The following IRAK1BP1 variants were observed in gnomAD, a reference collection of about 807,000 sequenced individuals.
IRAK1BP1 encodes the protein interleukin 1 receptor associated kinase 1 binding protein 1.
Under a neutral mutation model 28.0 loss-of-function variants are expected in IRAK1BP1, and 24 were observed. The ratio of observed to expected loss-of-function variants is 0.86; its 90% CI spans 0.62 to 1.20. IRAK1BP1 has a LOEUF of 1.20. Ranked by LOEUF, IRAK1BP1 falls within the 50% of genes most tolerant of loss-of-function variation. The probability of loss-of-function intolerance (pLI) is 0.00; values close to 1 mark genes in which losing one functional copy is unlikely to be tolerated. For missense variants in IRAK1BP1, 336 were observed against 316.7 expected (o/e 1.06, Z -0.46); for synonymous variants, 131 against 116.3 (o/e 1.13, Z -0.81).
the IRAK1BP1 span, among the ~76,000 whole-genome samples, chr6:78,959,214 G>A: frequency 6.6e-6 from 1 of 151,938 alleles, no homozygotes; most frequent in African/African-American, 2.4e-5. Context: ...AAAAATCCAA[G>A]GACAACTTTT....
chr6:78,887,947 G>A (rs1294649534), intron 2 of IRAK1BP1, among the ~76,000 whole-genome samples: 1 of 151,910 alleles, frequency 6.6e-6, no homozygotes, highest in Non-Finnish European at 1.5e-5. Context: ...AGATATGGAA[G>A]CAACCCAAAT....
the IRAK1BP1 span, chr6:78,961,635 G>C: frequency 5.6e-3 from 8,819 of 1,574,212 alleles, 525 homozygotes; most frequent in Admixed American, 0.11. Flanking sequence ...ATCAGTAAAT[G>C]GGTGGAAAGA....
At chr6:78,927,774 C>A (rs888266368) in intron 4 of IRAK1BP1, among the ~76,000 whole-genome samples, 1 of 152,072 alleles carries the variant, frequency 6.6e-6, no homozygotes, top group Non-Finnish European at 1.5e-5. Flanking sequence ...TTCCAGGCAC[C>A]ATTTACTGAA....
In IRAK1BP1 at chr6:78,900,220, A is replaced by G. The variant is rs1772045901; in HGVS notation, c.*1886A>G. 1 of 152,268 alleles carries G rather than the reference A, an allele frequency of 6.6e-6. No homozygotes were observed. Among genetic ancestry groups the G allele is most frequent in the Non-Finnish European group, 1.5e-5 (1 of 68,054 alleles). The allele number at this position is 152,268 out of a possible 1,614,324, so 9.4% of individuals were successfully genotyped here. ...TAATAATGATTCTTAAGGCCATTTG[A>G]AAGTTAACAGCAAGTATGTATTACT... On this transcript the variant is annotated 3_prime_UTR_variant, in exon 4 of 4. Transcript: ENST00000369940.
chr6:78,911,768 G>A (rs796851417), intron 4 of IRAK1BP1, among the ~76,000 whole-genome samples: 8 of 152,266 alleles, frequency 5.3e-5, no homozygotes, highest in African/African-American at 1.9e-4. Flanking sequence ...TATGAATACT[G>A]TACTACCATG....
chr6:78,973,149 G>A, the IRAK1BP1 span, among the ~76,000 whole-genome samples: 1 of 152,150 alleles, frequency 6.6e-6, no homozygotes, highest in African/African-American at 2.4e-5. Context: ...TACGCTCAAA[G>A]GGAAGCCCAT....
rs1285773570 is a variant in IRAK1BP1, at chr6:78,901,199, TTAG to T, written c.*2869_*2871del. On this transcript the variant is annotated 3_prime_UTR_variant, in exon 4 of 4. Transcript: ENST00000369940. ...ACCTAAAGACAATTTTTTTTTTAAG[TTAG>T]TAGGCACTTTTTAGAATTTCCAGGA... 6.6e-6 allele frequency: 1 copy of T among 151,848 alleles called. No homozygotes were observed. Among genetic ancestry groups the T allele is most frequent in the African/African-American group, 2.4e-5 (1 of 41,382 alleles). 9.4% of individuals were successfully genotyped at this position (151,848 alleles called of 1,614,324 possible).
chr6:78,885,573 C>T (rs976019391), intron 2 of IRAK1BP1, 130 bp downstream of exon 2: 1 of 502,338 alleles, frequency 2.0e-6, no homozygotes, highest in Admixed American at 3.6e-5. Flanking sequence ...TCAAAATCAT[C>T]TTGGTGTTAT....
intron 1 of IRAK1BP1, chr6:78,871,266 C>T: frequency 1.0e-6 from 1 of 985,284 alleles, no homozygotes; most frequent in Non-Finnish European, 1.2e-6. Flanking sequence ...GGTCCTCCCT[C>T]ACAAAAGTGT....
At chr6:78,869,354 T>C (rs1177806614) in intron 1 of IRAK1BP1, among the ~76,000 whole-genome samples, 2 of 152,100 alleles carry the variant, frequency 1.3e-5, no homozygotes, top group Admixed American at 6.5e-5. Context: ...ACCCAATCTC[T>C]AGTAAAAATA....
In IRAK1BP1 at chr6:78,901,818, G is replaced by C. The variant is rs1247770087; in HGVS notation, c.*3484G>C. On this transcript the variant is annotated 3_prime_UTR_variant, in exon 4 of 4. Transcript: ENST00000369940. The stretch of plus-strand genomic sequence containing the variant: ...ATTTGAGTTCAGTGTAAACAAATAG[G>C]ACTTAGAAAAATAATTTGTAACTCA... The C allele has an allele frequency of 1.3e-5, 2 of 151,938 alleles. No individual in the cohort carries two copies. Among genetic ancestry groups the C allele is most frequent in the Non-Finnish European group, 2.9e-5 (2 of 67,970 alleles). The allele number at this position is 151,938 out of a possible 1,614,324, so 9.4% of individuals were successfully genotyped here.
intron 4 of IRAK1BP1, among the ~76,000 whole-genome samples, chr6:78,927,420 G>C (rs1772919986): frequency 6.6e-6 from 1 of 151,820 alleles, no homozygotes; most frequent in Non-Finnish European, 1.5e-5. Context: ...AAAGGTGTTT[G>C]AGCTCCTGGT....
intron 2 of IRAK1BP1, among the ~76,000 whole-genome samples, chr6:78,887,006 A>G (rs1367250918): frequency 6.6e-6 from 1 of 152,224 alleles, no homozygotes; most frequent in Non-Finnish European, 1.5e-5. Context: ...GTGGAAACCA[A>G]AGTATTGGGA....
At chr6:78,955,617 G>A in the IRAK1BP1 span, 1 of 970,330 alleles carries the variant, frequency 1.0e-6, no homozygotes, top group Non-Finnish European at 1.6e-6. Flanking sequence ...ACATACCTCA[G>A]AATCAGACAA....
At chr6:78,943,636 T>C (rs1469997252) in intron 4 of IRAK1BP1, among the ~76,000 whole-genome samples, 1 of 152,134 alleles carries the variant, frequency 6.6e-6, no homozygotes, top group African/African-American at 2.4e-5. Context: ...ATGAATAATA[T>C]GATCAACATT....
the IRAK1BP1 span, chr6:78,958,452 T>C: frequency 7.6e-7 from 1 of 1,321,018 alleles, no homozygotes; most frequent in Non-Finnish European, 1.1e-6. Flanking sequence ...ACTATCATAA[T>C]TACATATGAA....
intron 4 of IRAK1BP1, among the ~76,000 whole-genome samples, chr6:78,918,879 A>T (rs1008281059): frequency 2.0e-5 from 3 of 152,238 alleles, no homozygotes; most frequent in African/African-American, 7.2e-5. Flanking sequence ...AGAATACTCC[A>T]GTCATCAACC....
chr6:78,872,195 A>G, intron 1 of IRAK1BP1: 1 of 682,576 alleles, frequency 1.5e-6, no homozygotes, highest in Non-Finnish European at 2.7e-6. Context: ...AGCTGACCAC[A>G]GCGGTAATTT....
At chr6:78,946,028 T>G (rs1381682467) in exon 5 of IRAK1BP1, 1 of 1,609,582 alleles carries the variant, frequency 6.2e-7, no homozygotes, top group Non-Finnish European at 8.5e-7. Flanking sequence ...GCAGATGCAT[T>G]AGCTTTTGTA....
Sources: gnomAD v4.1 joint callset for allele counts (sites outside exome capture counted in the v4.1 genomes callset) on GRCh38, gnomAD v4.1.1 for gene constraint, MANE v1.5 for transcripts, NCBI Gene and HGNC (gene_info 2026-07-23, HGNC 2026-07-21) for gene names.